EGLN1: variants seen among roughly 807,000 people sequenced by gnomAD.
EGLN1 encodes the protein egl-9 family hypoxia inducible factor 1.
Under a neutral mutation model 38.3 loss-of-function variants are expected in EGLN1, and 17 were observed. That is an observed-to-expected ratio of 0.44 (90% confidence interval 0.30 to 0.67). EGLN1 has a LOEUF of 0.67. Ranked by LOEUF, EGLN1 falls within the 30% of genes least tolerant of loss-of-function variation. The pLI is 0.08. For synonymous variants in EGLN1, 283 were observed against 257.5 expected, an observed-to-expected ratio of 1.10 and a Z score of -0.95; for missense variants, 477 against 603.3, an observed-to-expected ratio of 0.79 and a Z score of 2.19.
intron 1 of EGLN1, among the ~76,000 whole-genome samples, chr1:231,404,751 ATAAT>A (rs1553355310): frequency 1.3e-5 from 2 of 151,960 alleles, no homozygotes; most frequent in Non-Finnish European, 2.9e-5. Flanking sequence ...TATAGCTTAA[ATAAT>A]TAAATTCATG....
At chr1:231,405,772 T>C (rs1688773501) in intron 1 of EGLN1, among the ~76,000 whole-genome samples, 1 of 151,964 alleles carries the variant, frequency 6.6e-6, no homozygotes, top group Non-Finnish European at 1.5e-5. Context: ...AGGCACACAT[T>C]AAAGAAAAAG....
At chr1:231,416,878 C>A (rs1361282200) in intron 1 of EGLN1, among the ~76,000 whole-genome samples, 3 of 152,162 alleles carry the variant, frequency 2.0e-5, no homozygotes, top group African/African-American at 7.2e-5. Flanking sequence ...GAGTAACTCA[C>A]TTTTAACTTA....
intron 1 of EGLN1, among the ~76,000 whole-genome samples, chr1:231,390,481 C>T (rs1471805198): frequency 6.6e-6 from 1 of 152,176 alleles, no homozygotes; most frequent in Non-Finnish European, 1.5e-5. Flanking sequence ...ATTTTGTAGA[C>T]AAAGAAATGC....
In EGLN1 at chr1:231,421,105, T is replaced by C. The variant is rs1368792489; in HGVS notation, c.784A>G (p.Lys262Glu). ...RGDKITWIEG[K>E]EPGCETIGLL... ...CCAATGGTTTCGCAGCCGGGCTCCTTGCCCTCGATCCAGGTGATCTTATCG... is the reference window on the plus strand; with the variant it reads ...CCAATGGTTTCGCAGCCGGGCTCCTCGCCCTCGATCCAGGTGATCTTATCG... The change falls in exon 1 of 5, where the codon AAG (lysine) becomes GAG (glutamate). Residue 262 changes from lysine (K) to glutamate (E), a missense_variant. Lys to Glu is a moderately conservative substitution (Grantham distance 56). Around this residue, in one of 4 missense-constraint regions of EGLN1, gnomAD observed 119 missense variants for 179.0 expected, o/e 0.66. Coordinates refer to ENST00000366641, the MANE Select transcript of EGLN1 (RefSeq NM_022051.3). This position sits in a 1 kb window ranked among gnomAD's most constrained non-coding sequence, Gnocchi z 5.5. 2 of 1,614,188 alleles carry C rather than the reference T, an allele frequency of 1.2e-6. No individual in the cohort carries two copies. Among genetic ancestry groups the C allele is most frequent in the Non-Finnish European group, 1.7e-6 (2 of 1,180,028 alleles).
chr1:231,394,682 C>G (rs1279434945), intron 1 of EGLN1, among the ~76,000 whole-genome samples: 1 of 151,970 alleles, frequency 6.6e-6, no homozygotes, highest in African/African-American at 2.4e-5. Context: ...AGCCACCACG[C>G]CTGGCCAGTC....
chr1:231,373,108 G>A (rs1687870397), intron 2 of EGLN1, among the ~76,000 whole-genome samples: 1 of 151,992 alleles, frequency 6.6e-6, no homozygotes, highest in African/African-American at 2.4e-5. Flanking sequence ...TGAGACTCAG[G>A]CTAATATTAA....
rs1018549735 is a variant in EGLN1 at position 231,382,448 on chromosome 1, C to A, written c.892-8349G>T. Among the ~76,000 whole-genome samples the A allele has an allele frequency of 5.3e-5, 8 of 152,104 alleles. No homozygotes were observed. The South Asian group carries it at 1.0e-3, about 20-fold the overall frequency. On this transcript the variant is annotated intron_variant, in intron 1 of 4. Coordinates refer to ENST00000366641, the MANE Select transcript of EGLN1 (RefSeq NM_022051.3). ...TACTCCAGTGAGACAACTCAAGAAG[C>A]CTTATCTCATCTCAAAGCCAGAGAA...
chr1:231,405,550 C>T (rs1299976599), intron 1 of EGLN1, among the ~76,000 whole-genome samples: 2 of 152,120 alleles, frequency 1.3e-5, no homozygotes, highest in African/African-American at 4.8e-5. Context: ...ATTAGGTCAG[C>T]ATTACTCCCA....
At chr1:231,409,350 C>A (rs1688875322) in intron 1 of EGLN1, among the ~76,000 whole-genome samples, 2 of 151,908 alleles carry the variant, frequency 1.3e-5, no homozygotes, top group Non-Finnish European at 2.9e-5. Context: ...AAACATAGCA[C>A]TGGGAATTAC....
chr1:231,391,572 G>T (rs527463998), intron 1 of EGLN1, among the ~76,000 whole-genome samples: 2 of 152,042 alleles, frequency 1.3e-5, no homozygotes, highest in African/African-American at 4.8e-5. Flanking sequence ...ATGGTACTCG[G>T]TAACTTTTAT....
intron 1 of EGLN1, among the ~76,000 whole-genome samples, chr1:231,414,066 A>T (rs1367827031): frequency 6.6e-6 from 1 of 151,652 alleles, no homozygotes; most frequent in Non-Finnish European, 1.5e-5. Flanking sequence ...ATCTATATCA[A>T]TTTTTTTTTA....
chr1:231,374,457 T>C (rs1687906322), intron 1 of EGLN1, among the ~76,000 whole-genome samples: 1 of 152,136 alleles, frequency 6.6e-6, no homozygotes, highest in African/African-American at 2.4e-5. Context: ...ACACCTACTT[T>C]ACCATCTGAT....
intron 1 of EGLN1, among the ~76,000 whole-genome samples, chr1:231,392,996 G>C (rs761232281): frequency 6.6e-6 from 1 of 152,272 alleles, no homozygotes; most frequent in African/African-American, 2.4e-5. Flanking sequence ...GTTCAGAAAT[G>C]GGCAAAGGGC....
chr1:231,382,434 G>A (rs1319179543), intron 1 of EGLN1, among the ~76,000 whole-genome samples: 2 of 152,164 alleles, frequency 1.3e-5, no homozygotes, highest in Non-Finnish European at 2.9e-5. Flanking sequence ...ACTCCAGTGA[G>A]ACAACTCAAG....
chr1:231,392,552 T>C (rs189005879), intron 1 of EGLN1, among the ~76,000 whole-genome samples: 2 of 152,234 alleles, frequency 1.3e-5, no homozygotes, highest in Admixed American at 6.5e-5. Flanking sequence ...ATGGTGGTAA[T>C]AGAGAGGGTG....
At chr1:231,420,976 C>G (rs148803143) in intron 1 of EGLN1, 22 bp downstream of exon 1, 1 of 1,614,042 alleles carries the variant, frequency 6.2e-7, no homozygotes, top group South Asian at 1.1e-5. Context: ...CTGTCCAGCA[C>G]AAACCCGCAG....
intron 3 of EGLN1, among the ~76,000 whole-genome samples, chr1:231,368,240 A>C (rs1311258052): frequency 1.3e-5 from 2 of 152,304 alleles, no homozygotes; most frequent in African/African-American, 4.8e-5. Context: ...TTACAGAAAA[A>C]GCACATTATC....
intron 1 of EGLN1, among the ~76,000 whole-genome samples, chr1:231,413,743 G>C (rs1343520744): frequency 6.6e-6 from 1 of 152,100 alleles, no homozygotes; most frequent in Non-Finnish European, 1.5e-5. Flanking sequence ...TTTGTTGAAT[G>C]AACAAATGAG....
intron 1 of EGLN1, among the ~76,000 whole-genome samples, chr1:231,400,245 G>A (rs550735687): frequency 1.3e-5 from 2 of 152,194 alleles, no homozygotes; most frequent in South Asian, 4.1e-4. Flanking sequence ...ACCCAAATGT[G>A]AATTAGAATC....
Sources: gnomAD v4.1 joint callset for allele counts (sites outside exome capture counted in the v4.1 genomes callset) on GRCh38, gnomAD v4.1.1 for gene constraint, gnomAD v4.1.1 regional missense constraint, Gnocchi (gnomAD v3.1) non-coding constraint, MANE v1.5 for transcripts, NCBI Gene and HGNC (gene_info 2026-07-23, HGNC 2026-07-21) for gene names.